Variants in LRRFIP1 observed in about 807,000 individuals in gnomAD.
The protein encoded by LRRFIP1 is LRR binding FLII interacting protein 1.
LRRFIP1 carries 62 observed loss-of-function variants against 104.4 expected under a neutral mutation model. The ratio of observed to expected loss-of-function variants is 0.59; its 90% confidence interval spans 0.48 to 0.73. The LOEUF is 0.73. Among genes scored for constraint, LRRFIP1 ranks in the 30% least tolerant of loss-of-function variants. LRRFIP1 has a pLI of 0.00. For missense variants in LRRFIP1, 796 were observed against 824.5 expected (o/e 0.97, Z 0.42); for synonymous variants, 300 against 299.0 (o/e 1.00, Z -0.03).
intron 7 of LRRFIP1, among the ~76,000 whole-genome samples, chr2:237,726,150 A>AT (rs1277987944): frequency 2.0e-5 from 3 of 152,134 alleles, no homozygotes; most frequent in South Asian, 2.1e-4. Flanking sequence ...ATCTCCAAAG[A>AT]TTTTTACTAT....
intron 1 of LRRFIP1, among the ~76,000 whole-genome samples, chr2:237,698,922 C>T (rs564133361): frequency 6.6e-6 from 1 of 152,264 alleles, no homozygotes; most frequent in South Asian, 2.1e-4. Context: ...AGTCAACCAG[C>T]GCACATAATT....
intron 1 of LRRFIP1, among the ~76,000 whole-genome samples, chr2:237,633,914 C>T (rs1295595444): frequency 6.6e-6 from 1 of 152,210 alleles, no homozygotes; most frequent in Non-Finnish European, 1.5e-5. Flanking sequence ...GACCTGTGAA[C>T]CACCAGGGGT....
intron 1 of LRRFIP1, among the ~76,000 whole-genome samples, chr2:237,693,866 A>C (rs2092983799): frequency 6.6e-6 from 1 of 152,176 alleles, no homozygotes; most frequent in African/African-American, 2.4e-5. Context: ...CACTGGCTAC[A>C]GGGTCTATTA....
At chr2:237,708,488 G>A in intron 1 of LRRFIP1, 56 bp from the exon 2 acceptor site, 2 of 1,342,954 alleles carry the variant, frequency 1.5e-6, no homozygotes, top group Non-Finnish European at 2.0e-6. Flanking sequence ...TGCTGACCCT[G>A]TACTGGGAAG....
At chr2:237,739,849 C>G (rs551235622) in intron 11 of LRRFIP1, among the ~76,000 whole-genome samples, 1 of 152,146 alleles carries the variant, frequency 6.6e-6, no homozygotes, top group Non-Finnish European at 1.5e-5. Context: ...GTGTTTTCCC[C>G]TGGGTTGTTG....
At chr2:237,769,687 T>G (rs1275466329) in intron 19 of LRRFIP1, 8 of 466,468 alleles carry the variant, frequency 1.7e-5, no homozygotes, top group Non-Finnish European at 2.3e-5. Flanking sequence ...TAACCTAAGG[T>G]AGAAGATTAG....
Position 237,735,239 on chromosome 2 carries a change from C to A in LRRFIP1, c.490-29C>A, listed in dbSNP as rs753089740. 30 of 1,599,368 alleles carry A rather than the reference C, an allele frequency of 1.9e-5. No individual in the cohort carries two copies. Among genetic ancestry groups the A allele is most frequent in the Middle Eastern group, 3.3e-4 (2 of 6,038 alleles). ...GGCACTCTTGGAGAAAGGAAGAGCG[C>A]CCATCCTGACAGTCTCTTTTGGTCG... On this transcript the variant is annotated intron_variant, in intron 9 of 23. Coordinates refer to ENST00000308482, the MANE Select transcript of LRRFIP1 (RefSeq NM_001137550.2). This position sits in a 1 kb window ranked among gnomAD's most constrained non-coding sequence, Gnocchi z 4.6.
At chr2:237,744,713 A>G (rs898260407) in intron 11 of LRRFIP1, among the ~76,000 whole-genome samples, 3 of 152,284 alleles carry the variant, frequency 2.0e-5, no homozygotes, top group Admixed American at 6.5e-5. Flanking sequence ...CAACACACAT[A>G]CTTTGTAAAC....
At position 237,760,677 on chromosome 2, in the gene LRRFIP1, G is replaced by A. The variant is rs532393401; in HGVS notation, c.1459+472G>A. Among the ~76,000 whole-genome samples the A allele has an allele frequency of 1.2e-3, 188 of 152,298 alleles. 1 individual carries two copies. The highest frequency in any genetic ancestry group is 4.2e-3 in the African/African-American group (174 of 41,564). ...ATCGACATCCTGGGCAGCATTCAGC[G>A]CTTTGAGGGTACGGGGTGCCTGTGG... is the stretch of plus-strand genomic sequence containing the variant. On this transcript the variant is annotated intron_variant, in intron 19 of 23. Transcript: ENST00000308482.
intron 1 of LRRFIP1, chr2:237,692,192 C>T (rs2092835382): frequency 1.9e-6 from 2 of 1,049,252 alleles, no homozygotes; most frequent in Admixed American, 5.5e-5. Context: ...CGCCCGAGTC[C>T]CGCTTCCCCG....
At position 237,684,770 on chromosome 2, in the gene LRRFIP1, T is replaced by C. The variant is rs184106044; in HGVS notation, c.97-23774T>C. Among the ~76,000 whole-genome samples the C allele has an allele frequency of 7.9e-5, 12 of 152,178 alleles. No homozygotes were observed. The East Asian group carries it at 2.3e-3, about 29-fold the overall frequency. On this transcript the variant is annotated intron_variant, in intron 1 of 23. Transcript: ENST00000308482. ...GTTTTTAGAAGGTAATTGGTAGATA[T>C]TTGCAGTGCATTGTCTTCATGAAAA...
At chr2:237,759,271 C>T (rs1416267796) in intron 18 of LRRFIP1, among the ~76,000 whole-genome samples, 2 of 152,100 alleles carry the variant, frequency 1.3e-5, no homozygotes, top group Non-Finnish European at 2.9e-5. Flanking sequence ...AGACGGTTCC[C>T]TGTCCTTGGT....
rs760481039 is a variant in LRRFIP1, at chr2:237,763,886, C to A, written c.1459+3681C>A. 4 of 1,614,196 alleles carry A rather than the reference C, an allele frequency of 2.5e-6. No homozygotes were observed. The Admixed American group carries it at 5.0e-5, about 20-fold the overall frequency. On this transcript the variant is annotated intron_variant, in intron 19 of 23. Coordinates refer to ENST00000308482, the MANE Select transcript of LRRFIP1 (RefSeq NM_001137550.2). Reference sequence around the variant, plus strand: ...AGAACCAAAGAGCGAAGACGCAGATCGCTGCACCCTGCCCGAACATGAAAG... The same window carrying A: ...AGAACCAAAGAGCGAAGACGCAGATAGCTGCACCCTGCCCGAACATGAAAG...
In LRRFIP1 at chr2:237,648,397, C is replaced by T. The variant is rs1005700833; in HGVS notation, c.96+20657C>T. Among the ~76,000 whole-genome samples, 16 of 151,918 alleles carry T rather than the reference C, an allele frequency of 1.1e-4. 1 individual carries two copies. Among genetic ancestry groups the T allele is most frequent in the Admixed American group, 2.0e-4 (3 of 15,276 alleles). On this transcript the variant is annotated intron_variant, in intron 1 of 23. Transcript: ENST00000308482. The stretch of plus-strand genomic sequence containing the variant: ...TGTGGCACACATCAAAAGTGTTCTA[C>T]AAGTGTCCGGGGTGTTCATTGTAAT...
intron 1 of LRRFIP1, among the ~76,000 whole-genome samples, chr2:237,646,355 C>T (rs898148345): frequency 1.3e-5 from 2 of 151,912 alleles, no homozygotes; most frequent in Non-Finnish European, 2.9e-5. Context: ...ATCATCCTAT[C>T]TTCCAGGTAT....
Position 237,732,446 on chromosome 2 carries a change from C to T in LRRFIP1, c.445-1328C>T, listed in dbSNP as rs150356302. Among the ~76,000 whole-genome samples, 81 of 152,312 alleles carry T rather than the reference C, an allele frequency of 5.3e-4. 1 individual carries two copies. The East Asian group carries it at 0.015, about 28-fold the overall frequency. ...TTTCACATCACTTTGTCGCTCCTTC[C>T]CTTTCCTTCTGTGCATCACTTTAAT... On this transcript the variant is annotated intron_variant, in intron 8 of 23. Transcript: ENST00000308482.
intron 1 of LRRFIP1, among the ~76,000 whole-genome samples, chr2:237,672,033 A>G (rs181149636): frequency 5.9e-5 from 9 of 151,908 alleles, no homozygotes; most frequent in Admixed American, 5.9e-4. Flanking sequence ...ATGACTTGAT[A>G]CAGTATCATT....
At chr2:237,761,869 A>G (rs2059910173) in intron 19 of LRRFIP1, among the ~76,000 whole-genome samples, 1 of 152,172 alleles carries the variant, frequency 6.6e-6, no homozygotes, top group Admixed American at 6.5e-5. Context: ...AAATTCCAAA[A>G]CAGTTTGATG....
intron 17 of LRRFIP1, among the ~76,000 whole-genome samples, chr2:237,758,477 C>CTCT (rs2059522721): frequency 6.6e-6 from 1 of 152,186 alleles, no homozygotes; most frequent in Non-Finnish European, 1.5e-5. Flanking sequence ...TCTGGGGCCC[C>CTCT]GTGCTGTGTC....
Sources: allele counts gnomAD v4.1 joint callset (sites outside exome capture counted in the v4.1 genomes callset), GRCh38; gene constraint gnomAD v4.1.1; non-coding constraint Gnocchi (gnomAD v3.1); transcripts MANE v1.5; gene names NCBI Gene and HGNC (gene_info 2026-07-23, HGNC 2026-07-21).